The following TPO variants were observed in gnomAD, a reference collection of about 807,000 sequenced individuals.
TPO encodes thyroid microsomal antigen.
In TPO, 78 loss-of-function variants were observed where a neutral mutation model predicts 96.9. The ratio of observed to expected loss-of-function variants is 0.81; its 90% CI spans 0.67 to 0.97. The LOEUF (loss-of-function observed/expected upper bound fraction) is 0.97, where lower values mean the gene tolerates loss of function less well. Among genes scored for constraint, TPO ranks in the 50% least tolerant of loss-of-function variants. The probability of loss-of-function intolerance (pLI) is 0.00; values close to 1 mark genes in which losing one functional copy is unlikely to be tolerated. For synonymous variants in TPO, 547 were observed against 538.0 expected (o/e 1.02, Z -0.23); for missense variants, 1,252 against 1,274.8 (o/e 0.98, Z 0.27).
rs747284394 is a variant in TPO at position 1,477,264 on chromosome 2, C to A, written c.998C>A (p.Ser333Tyr). Residue 333 changes from serine to tyrosine, a missense_variant, in exon 8 of 17, where the codon TCC becomes TAC. Coordinates refer to ENST00000329066, the MANE Select transcript of TPO (RefSeq NM_001206744.2). ...GACGCGTCCACCGTGTATGGCAGCTCCCCGGCCCTAGAGAGGCAGCTGCGG... is the reference window on the plus strand; with the variant it reads ...GACGCGTCCACCGTGTATGGCAGCTACCCGGCCCTAGAGAGGCAGCTGCGG... ...FLDASTVYGS[S>Y]PALERQLRNW... The A allele has an allele frequency of 8.1e-6, 13 of 1,604,862 alleles. No homozygotes were observed. Among genetic ancestry groups the A allele is most frequent in the African/African-American group, 1.3e-5 (1 of 74,886 alleles).
At chr2:1,414,011 T>A (rs936048623) in intron 1 of TPO, among the ~76,000 whole-genome samples, 7 of 152,242 alleles carry the variant, frequency 4.6e-5, no homozygotes, top group African/African-American at 1.7e-4. Context: ...ACTAAATTTC[T>A]AATAGTACTC....
chr2:1,453,882 G>T, intron 6 of TPO, 59 bp downstream of exon 6: 1 of 1,611,744 alleles, frequency 6.2e-7, no homozygotes, highest in Non-Finnish European at 8.5e-7. Flanking sequence ...TGCTGAGGGA[G>T]GGAAATAGCC....
At chr2:1,473,276 T>C (rs1274458454) in intron 7 of TPO, among the ~76,000 whole-genome samples, 2 of 152,144 alleles carry the variant, frequency 1.3e-5, no homozygotes, top group Non-Finnish European at 2.9e-5. Flanking sequence ...TCTGGGTGCG[T>C]TTTATTCCCA....
chr2:1,440,169 TGCTGCGTTTCCACC>T (rs1666023893), intron 5 of TPO, among the ~76,000 whole-genome samples: 1 of 148,966 alleles, frequency 6.7e-6, no homozygotes, highest in Non-Finnish European at 1.5e-5. Context: ...GTTTCCACCG[TGCTGCGTTTCCACC>T]GTGCTGCATT....
intron 2 of TPO, among the ~76,000 whole-genome samples, chr2:1,420,149 A>G (rs1446011746): frequency 6.6e-6 from 1 of 152,222 alleles, no homozygotes; most frequent in Non-Finnish European, 1.5e-5. Flanking sequence ...TAATTCTGTA[A>G]AATATTTTAC....
rs866340322 is a variant in TPO at position 1,540,931 on chromosome 2, T to C, written c.2748+208T>C. ...GCCTGCTTAGTGAGAGGAATGAAGA[T>C]GCCTTCCATTTGTACAAACCGGTTC... On this transcript the variant is annotated intron_variant, in intron 16 of 16. Transcript: ENST00000329066. The C allele has an allele frequency of 2.0e-6, 3 of 1,532,982 alleles. No homozygotes were observed. In the African/African-American group the frequency reaches 4.1e-5, roughly 21 times the overall value. 95.0% of individuals were successfully genotyped at this position (1,532,982 alleles called of 1,614,324 possible).
intron 2 of TPO, among the ~76,000 whole-genome samples, chr2:1,415,797 G>A (rs73183009): frequency 0.019 from 2,963 of 152,262 alleles, 101 homozygotes; most frequent in African/African-American, 0.068. Context: ...TGGAGTCCTC[G>A]CTGTTCCCAG....
At position 1,543,185 on chromosome 2, in the gene TPO, C is replaced by G. The variant is rs775267156; in HGVS notation, c.*711C>G. On this transcript the variant is annotated 3_prime_UTR_variant, in exon 17 of 17. Coordinates refer to ENST00000329066, the MANE Select transcript of TPO (RefSeq NM_001206744.2). ...CCTCCCTGACTCAACAAGGCAGTCTCGGGGGCACCGTTAGCCACGCGACCC... is the reference window on the plus strand; with the variant it reads ...CCTCCCTGACTCAACAAGGCAGTCTGGGGGGCACCGTTAGCCACGCGACCC... 1 of 152,734 alleles carries G rather than the reference C, an allele frequency of 6.5e-6. No homozygotes were observed. Among genetic ancestry groups the G allele is most frequent in the Non-Finnish European group, 1.5e-5 (1 of 68,478 alleles). 9.5% of individuals were successfully genotyped at this position (152,734 alleles called of 1,614,324 possible).
chr2:1,414,530 T>C, intron 2 of TPO, 28 bp downstream of exon 2: 1 of 1,605,542 alleles, frequency 6.2e-7, no homozygotes. Flanking sequence ...TGCGGTCTTC[T>C]GGCCTTATAA....
At chr2:1,470,539 A>G (rs902272658) in intron 7 of TPO, among the ~76,000 whole-genome samples, 7 of 149,152 alleles carry the variant, frequency 4.7e-5, no homozygotes, top group Admixed American at 3.4e-4. Flanking sequence ...TAATATATAT[A>G]TAAATATATT....
Position 1,375,027 on chromosome 2 carries a change from C to T in TPO, n.180+625C>T, listed in dbSNP as rs1198569066. 3.3e-5 allele frequency among the ~76,000 whole-genome samples: 5 copies of T among 151,954 alleles called. No homozygotes were observed. The East Asian group carries it at 9.6e-4, about 29-fold the overall frequency. ...TACAGGCATGAACCACTGCACCCGA[C>T]CATAGATATACCTTTTCAACAGATA... On this transcript the variant is annotated intron_variant and non_coding_transcript_variant, in intron 1 of 5. Coordinates refer to the TPO transcript ENST00000497517.
chr2:1,478,714 A>G lies in TPO; in HGVS notation c.1338+1110A>G, dbSNP rs544117652. The stretch of plus-strand genomic sequence containing the variant: ...GGGCTCACTGTCCTAACACGCATCC[A>G]CACAGCAAACACAGCAGACGAGCTC... On this transcript the variant is annotated intron_variant, in intron 8 of 16. Coordinates refer to ENST00000329066, the MANE Select transcript of TPO (RefSeq NM_001206744.2). 5.3e-5 allele frequency among the ~76,000 whole-genome samples: 8 copies of G among 152,304 alleles called. No homozygotes were observed. In the East Asian group the frequency reaches 1.5e-3, roughly 29 times the overall value.
intron 14 of TPO, among the ~76,000 whole-genome samples, chr2:1,505,259 C>T (rs866717361): frequency 4.0e-5 from 6 of 150,704 alleles, no homozygotes; most frequent in African/African-American, 1.2e-4. Flanking sequence ...CTGTGTCAGG[C>T]GCACCCCCTC....
rs544197783 is a variant in TPO at position 1,431,268 on chromosome 2, G to A, written c.180-2170G>A. On this transcript the variant is annotated intron_variant, in intron 3 of 16. Transcript: ENST00000329066. The stretch of plus-strand genomic sequence containing the variant: ...GTTTTACGTTGTGTGGCACCTGCCC[G>A]CTTGACCTCTTGCTCCTTCTCTCAC... Among the ~76,000 whole-genome samples the A allele has an allele frequency of 1.2e-4, 18 of 152,166 alleles. No homozygotes were observed. The East Asian group carries it at 1.9e-3, about 16-fold the overall frequency.
intron 15 of TPO, among the ~76,000 whole-genome samples, chr2:1,523,310 A>T (rs183902250): frequency 5.4e-3 from 20 of 3,708 alleles, no homozygotes; most frequent in Admixed American, 7.9e-3. Flanking sequence ...CCCCACTGTG[A>T]GCAACCTCCC....
chr2:1,414,535 T>C (rs1236043896), intron 2 of TPO, 33 bp downstream of exon 2: 1 of 1,596,560 alleles, frequency 6.3e-7, no homozygotes, highest in South Asian at 1.1e-5. Context: ...TCTTCTGGCC[T>C]TATAAAGTTA....
intron 15 of TPO, among the ~76,000 whole-genome samples, chr2:1,539,832 AC>A (rs1390562699): frequency 6.9e-6 from 1 of 145,624 alleles, no homozygotes; most frequent in Non-Finnish European, 1.5e-5. Context: ...ATGAATGACC[AC>A]CAAGGCAAGG....
intron 15 of TPO, among the ~76,000 whole-genome samples, chr2:1,530,947 T>A (rs2125233582): frequency 3.1e-5 from 2 of 65,376 alleles, no homozygotes. Flanking sequence ...ATCCCCCCAC[T>A]ATGTGCGACC....
At chr2:1,513,714 T>C (rs902564863) in intron 14 of TPO, 4 of 152,220 alleles carry the variant, frequency 2.6e-5, no homozygotes, top group Non-Finnish European at 5.9e-5. Flanking sequence ...TATATGTAGA[T>C]ATACTATATA....
Sources: allele counts gnomAD v4.1 joint callset (sites outside exome capture counted in the v4.1 genomes callset), GRCh38; gene constraint gnomAD v4.1.1; transcripts MANE v1.5; gene names NCBI Gene and HGNC (gene_info 2026-07-23, HGNC 2026-07-21).